The following SLC26A7 variants were observed in gnomAD, a reference collection of about 807,000 sequenced individuals.
SLC26A7 encodes solute carrier family 26 member 7, also known as anion exchange transporter.
In SLC26A7, 59 loss-of-function variants were observed where a neutral mutation model predicts 82.5. The observed-to-expected ratio is 0.72, with a 90% CI of 0.58 to 0.89. The LOEUF (loss-of-function observed/expected upper bound fraction) is 0.89. SLC26A7 is among the 40% of genes least tolerant of loss of function. The pLI is 0.00. For synonymous variants in SLC26A7, 271 were observed against 274.3 expected, an observed-to-expected ratio of 0.99 and a Z score of 0.12; for missense variants, 820 against 793.0, an observed-to-expected ratio of 1.03 and a Z score of -0.41.
At chr8:91,386,918 C>G (rs1368993017) in intron 15 of SLC26A7, among the ~76,000 whole-genome samples, 2 of 152,078 alleles carry the variant, frequency 1.3e-5, no homozygotes, top group Non-Finnish European at 2.9e-5. Flanking sequence ...AAGAAATCTT[C>G]AAATATTAAG....
chr8:91,257,323 C>T (rs960854333), intron 2 of SLC26A7, among the ~76,000 whole-genome samples: 3 of 152,068 alleles, frequency 2.0e-5, no homozygotes, highest in South Asian at 2.1e-4. Context: ...TAGAGAGCAA[C>T]GAAAAGGGAA....
intron 4 of SLC26A7, among the ~76,000 whole-genome samples, chr8:91,299,978 G>C (rs946316955): frequency 6.6e-6 from 1 of 152,228 alleles, no homozygotes; most frequent in Non-Finnish European, 1.5e-5. Flanking sequence ...AGAAAGAGTT[G>C]TGTGTGGGGA....
At chr8:91,394,654 A>G (rs1386196086) in intron 18 of SLC26A7, 5 of 1,123,932 alleles carry the variant, frequency 4.4e-6, no homozygotes, top group Non-Finnish European at 5.4e-6. Flanking sequence ...ATTGTATACA[A>G]TCAGAACAGT....
chr8:91,394,384 T>C, intron 18 of SLC26A7: 1 of 1,518,378 alleles, frequency 6.6e-7, no homozygotes, highest in Non-Finnish European at 8.8e-7. Context: ...ATATAAAAAC[T>C]CTAAATATGG....
chr8:91,377,311 T>C (rs1423268105), intron 15 of SLC26A7, among the ~76,000 whole-genome samples: 1 of 152,106 alleles, frequency 6.6e-6, no homozygotes, highest in Non-Finnish European at 1.5e-5. Flanking sequence ...CCCCTTTCAG[T>C]GATTGGTACC....
At chr8:91,375,133 A>G (rs1213944107) in intron 15 of SLC26A7, among the ~76,000 whole-genome samples, 1 of 151,890 alleles carries the variant, frequency 6.6e-6, no homozygotes, top group African/African-American at 2.4e-5. Flanking sequence ...GAGTGTTGTT[A>G]CACAAAAAAT....
intron 16 of SLC26A7, 98 bp from the exon 17 acceptor site, chr8:91,393,699 C>A: frequency 3.1e-6 from 4 of 1,306,118 alleles, no homozygotes; most frequent in South Asian, 2.6e-5. Flanking sequence ...TCGTAAACAT[C>A]GGCTTTAAAG....
chr8:91,328,825 A>G (rs1438922376), intron 5 of SLC26A7, among the ~76,000 whole-genome samples: 1 of 152,140 alleles, frequency 6.6e-6, no homozygotes, highest in Non-Finnish European at 1.5e-5. Context: ...AAAGAAAATA[A>G]TGAGAAGCAG....
At chr8:91,358,329 C>CTTTTTTT (rs71273702) in intron 11 of SLC26A7, among the ~76,000 whole-genome samples, 7 of 133,314 alleles carry the variant, frequency 5.3e-5, no homozygotes, top group South Asian at 2.4e-4. Flanking sequence ...TTTTCTTTTT[C>CTTTTTTT]TTTTTTTTTT....
chr8:91,291,596 C>T (rs749093690), intron 3 of SLC26A7, among the ~76,000 whole-genome samples: 2 of 152,142 alleles, frequency 1.3e-5, no homozygotes, highest in Non-Finnish European at 2.9e-5. Flanking sequence ...ACCATAATTG[C>T]TTTAAGAAAA....
intron 2 of SLC26A7, among the ~76,000 whole-genome samples, chr8:91,279,692 TG>T (rs1406269559): frequency 6.6e-6 from 1 of 152,126 alleles, no homozygotes; most frequent in Non-Finnish European, 1.5e-5. Context: ...CCCTAGTAGC[TG>T]GGACTATAGG....
chr8:91,344,256 G>T (rs1319866811), intron 9 of SLC26A7: 3 of 971,222 alleles, frequency 3.1e-6, no homozygotes, highest in Non-Finnish European at 3.7e-6. Flanking sequence ...GGGAAAGAAG[G>T]TTAAAGTAAC....
chr8:91,332,485 A>G (rs2130828103), intron 5 of SLC26A7, among the ~76,000 whole-genome samples: 1 of 118,938 alleles, frequency 8.4e-6, no homozygotes. Flanking sequence ...CTGTATATAT[A>G]TTTAATACAC....
chr8:91,245,526 G>A (rs1810533364), upstream of SLC26A7, among the ~76,000 whole-genome samples: 1 of 152,048 alleles, frequency 6.6e-6, no homozygotes, highest in Admixed American at 6.6e-5. Context: ...TCTCAGATGG[G>A]AGCCTTTTAC....
intron 5 of SLC26A7, among the ~76,000 whole-genome samples, chr8:91,332,368 A>T (rs940010415): frequency 7.7e-6 from 1 of 129,998 alleles, no homozygotes; most frequent in South Asian, 2.2e-4. Context: ...AATTATATAT[A>T]AAATTATATA....
chr8:91,355,360 AT>A (rs1173611145), intron 11 of SLC26A7, among the ~76,000 whole-genome samples: 2 of 151,726 alleles, frequency 1.3e-5, no homozygotes, highest in Non-Finnish European at 2.9e-5. Flanking sequence ...ATCTTTGAAT[AT>A]TTTTTCAAAT....
At chr8:91,285,773 T>C (rs1345264562) in intron 2 of SLC26A7, among the ~76,000 whole-genome samples, 1 of 152,174 alleles carries the variant, frequency 6.6e-6, no homozygotes. Flanking sequence ...ACAAAACTAG[T>C]GCTTCTAAGT....
At chr8:91,220,016 C>G (rs1382888877) in intron 2 of SLC26A7, among the ~76,000 whole-genome samples, 2 of 152,082 alleles carry the variant, frequency 1.3e-5, no homozygotes, top group Non-Finnish European at 2.9e-5. Context: ...ATCAGGTTAC[C>G]TTCCTAGCAA....
chr8:91,319,557 A>G (rs1812733277), intron 5 of SLC26A7, among the ~76,000 whole-genome samples: 1 of 152,254 alleles, frequency 6.6e-6, no homozygotes, highest in Admixed American at 6.5e-5. Context: ...AAGAATGATT[A>G]ACACTGAAAC....
Sources: gnomAD v4.1 joint callset for allele counts (sites outside exome capture counted in the v4.1 genomes callset) on GRCh38, gnomAD v4.1.1 for gene constraint, MANE v1.5 for transcripts, NCBI Gene and HGNC (gene_info 2026-07-23, HGNC 2026-07-21) for gene names.